SNF8: variants seen among roughly 807,000 people sequenced by gnomAD.
The protein encoded by SNF8 is SNF8 subunit of ESCRT-II.
In SNF8, 19 loss-of-function variants were observed where a neutral mutation model predicts 36.8. The ratio of observed to expected loss-of-function variants is 0.52; its 90% CI spans 0.36 to 0.76. SNF8 has a LOEUF of 0.76. Among genes scored for constraint, SNF8 ranks in the 30% least tolerant of loss-of-function variants. The pLI, the probability that SNF8 is intolerant of heterozygous loss-of-function variation, is 0.00. For synonymous variants in SNF8, 127 were observed against 127.4 expected, an observed-to-expected ratio of 1.00 and a Z score of 0.02; for missense variants, 268 against 322.9, an observed-to-expected ratio of 0.83 and a Z score of 1.30.
Position 48,937,074 on chromosome 17 carries a change from C to A in SNF8, c.295G>T (p.Glu99Ter), listed in dbSNP as rs958324223. ...ACTTCGATAATTTGGACACCTAGTTCGTAATAGAAGTCCCCCACGCCCAGC... is the reference window on the plus strand; with the variant it reads ...ACTTCGATAATTTGGACACCTAGTTAGTAATAGAAGTCCCCCACGCCCAGC... Reference protein sequence around the residue: ...EMLGVGDFYYELGVQIIEVCL... With the variant: ...EMLGVGDFYY Residue 99 changes from glutamate (E) to a stop codon, truncating the protein, a stop_gained, in exon 4 of 8, where the codon GAA becomes TAA. Transcript: ENST00000502492. LOFTEE classifies it high-confidence loss of function. 1 of 1,614,128 alleles carries A rather than the reference C, an allele frequency of 6.2e-7. No homozygotes were observed. The highest frequency in any genetic ancestry group is 8.5e-7 in the Non-Finnish European group (1 of 1,180,004).
At chr17:48,930,701 T>C in intron 7 of SNF8, 89 bp from the exon 8 acceptor site, 1 of 1,360,966 alleles carries the variant, frequency 7.3e-7, no homozygotes. Flanking sequence ...CTATTTTGGC[T>C]TCAGTGAGGT....
At chr17:48,938,726 G>A (rs914433845) in intron 3 of SNF8, among the ~76,000 whole-genome samples, 3 of 151,598 alleles carry the variant, frequency 2.0e-5, no homozygotes, top group Non-Finnish European at 2.9e-5. Flanking sequence ...AAAATTAGCC[G>A]GGCATGGTGG....
intron 6 of SNF8, 47 bp downstream of exon 6, chr17:48,933,158 C>T: frequency 6.2e-7 from 1 of 1,602,698 alleles, no homozygotes; most frequent in South Asian, 1.1e-5. Flanking sequence ...AGACTTGCCT[C>T]ACAGACTGTC....
At position 48,936,245 on chromosome 17, in the gene SNF8, GT is replaced by G; in HGVS notation, c.350-4del. The G allele has an allele frequency of 2.5e-6, 4 of 1,612,084 alleles. No individual in the cohort carries two copies. The highest frequency in any genetic ancestry group is 3.4e-6 in the Non-Finnish European group (4 of 1,178,252). On this transcript the variant is annotated splice_polypyrimidine_tract_variant and splice_region_variant and intron_variant, in intron 4 of 7. Transcript: ENST00000502492. Reference sequence around the variant, plus strand: ...TAGTTCCTCCAAAGTTATCAGACCTGTTTGGAGACAGGGAACAGAAATCAGA... The same window carrying G: ...TAGTTCCTCCAAAGTTATCAGACCTGTTGGAGACAGGGAACAGAAATCAGA...
At chr17:48,931,867 GGA>G in intron 6 of SNF8, 150 bp from the exon 7 acceptor site, 8 of 579,500 alleles carry the variant, frequency 1.4e-5, no homozygotes, top group South Asian at 4.7e-5. Context: ...GTTCCAGCGG[GGA>G]GAGAGAGAAG....
intron 3 of SNF8, among the ~76,000 whole-genome samples, chr17:48,940,662 C>T (rs1196638438): frequency 6.6e-6 from 1 of 152,030 alleles, no homozygotes; most frequent in African/African-American, 2.4e-5. Context: ...TGGTCGCGAG[C>T]ACCTGTATTC....
At chr17:48,936,059 A>T in intron 5 of SNF8, 111 bp downstream of exon 5, 1 of 731,116 alleles carries the variant, frequency 1.4e-6, no homozygotes, top group Non-Finnish European at 2.3e-6. Flanking sequence ...TGATATGGAG[A>T]TCATACAGAT....
chr17:48,937,349 C>A, intron 3 of SNF8: 1 of 645,134 alleles, frequency 1.6e-6, no homozygotes, highest in Admixed American at 2.1e-5. Flanking sequence ...CATTTCTGGC[C>A]GGGCGCAGTG....
chr17:48,944,130 G>C, intron 1 of SNF8, 155 bp from the exon 2 acceptor site: 1 of 620,620 alleles, frequency 1.6e-6, no homozygotes, highest in Non-Finnish European at 2.8e-6. Flanking sequence ...GTGAAACCCC[G>C]TCTCTACTAA....
intron 2 of SNF8, among the ~76,000 whole-genome samples, chr17:48,943,654 TTC>T (rs2041062771): frequency 6.6e-6 from 1 of 152,134 alleles, no homozygotes; most frequent in African/African-American, 2.4e-5. Context: ...ATAGGGTTCC[TTC>T]CTTATGGGAC....
intron 5 of SNF8, among the ~76,000 whole-genome samples, chr17:48,934,891 T>C (rs896866006): frequency 1.3e-5 from 2 of 152,044 alleles, no homozygotes; most frequent in African/African-American, 4.8e-5. Context: ...GTCTTCAAGA[T>C]CTCATAGTAG....
At chr17:48,938,592 A>G (rs1257952036) in intron 3 of SNF8, among the ~76,000 whole-genome samples, 2 of 147,888 alleles carry the variant, frequency 1.4e-5, no homozygotes, top group African/African-American at 2.5e-5. Context: ...GGGCCACGCC[A>G]GGAGCAGTGG....
chr17:48,936,762 C>A, intron 4 of SNF8: 2 of 524,136 alleles, frequency 3.8e-6, no homozygotes, highest in Non-Finnish European at 3.4e-6. Flanking sequence ...TACTTCCTAC[C>A]TCTCTACTAT....
At position 48,933,247 on chromosome 17, in the gene SNF8, A is replaced by C. The variant is rs1228789639; in HGVS notation, c.522T>G (p.Ala174=). 2.5e-6 allele frequency: 4 copies of C among 1,614,072 alleles called. No homozygotes were observed. Among genetic ancestry groups the C allele is most frequent in the Non-Finnish European group, 1.7e-6 (2 of 1,180,016 alleles). The change falls in exon 6 of 8, where the codon GCT becomes GCG. Residue 174 remains alanine (A), a synonymous_variant. Transcript: ENST00000502492. Reference sequence around the variant, plus strand: ...CCACGGTGTGATCCATATTGAGCTCAGCTGGAACAGACTGAATGAGGTAAG... The same window carrying C: ...CCACGGTGTGATCCATATTGAGCTCCGCTGGAACAGACTGAATGAGGTAAG... ...GGTYLIQSVP[A]ELNMDHTVVL...
chr17:48,944,649 G>A, intron 1 of SNF8, 32 bp downstream of exon 1: 1 of 1,607,440 alleles, frequency 6.2e-7, no homozygotes. Context: ...CGGGTCAGGG[G>A]CAGGTTGTGG....
intron 4 of SNF8, 188 bp downstream of exon 4, chr17:48,936,832 A>ATC (rs2040941336): frequency 1.6e-6 from 1 of 618,652 alleles, no homozygotes; most frequent in Non-Finnish European, 2.9e-6. Flanking sequence ...AACAGAGACA[A>ATC]TCGTTCAGGT....
In SNF8 at chr17:48,942,050, C is replaced by T. The variant is rs2041036120; in HGVS notation, c.106-988G>A. 2.6e-5 allele frequency among the ~76,000 whole-genome samples: 4 copies of T among 151,992 alleles called. No homozygotes were observed. In the South Asian group the frequency reaches 8.3e-4, roughly 32 times the overall value. Reference sequence around the variant, plus strand: ...AAAAAACTTTTGAGTCATGAACCTCCCTGGGGATCAACTCCAGATAAAGAA... The same window carrying T: ...AAAAAACTTTTGAGTCATGAACCTCTCTGGGGATCAACTCCAGATAAAGAA... On this transcript the variant is annotated intron_variant, in intron 2 of 7. Coordinates refer to ENST00000502492, the MANE Select transcript of SNF8 (RefSeq NM_007241.4).
chr17:48,936,731 C>G, intron 4 of SNF8: 1 of 465,422 alleles, frequency 2.1e-6, no homozygotes, highest in Non-Finnish European at 3.9e-6. Flanking sequence ...CCAGACACAT[C>G]AGACATCAGG....
At chr17:48,930,682 C>A (rs1226033446) in intron 7 of SNF8, 70 bp from the exon 8 acceptor site, 4 of 1,484,758 alleles carry the variant, frequency 2.7e-6, no homozygotes, top group Non-Finnish European at 3.6e-6. Flanking sequence ...AGGTAAGCAA[C>A]CCCCACACCT....
Sources: allele counts gnomAD v4.1 joint callset (sites outside exome capture counted in the v4.1 genomes callset), GRCh38; gene constraint gnomAD v4.1.1; transcripts MANE v1.5; gene names NCBI Gene and HGNC (gene_info 2026-07-23, HGNC 2026-07-21).